CBLN2: variants seen among roughly 807,000 people sequenced by gnomAD.
The protein encoded by CBLN2 is cerebellin-2.
Under a neutral mutation model 15.0 loss-of-function variants are expected in CBLN2, and 7 were observed. The ratio of observed to expected loss-of-function variants is 0.47; its 90% CI spans 0.27 to 0.88. The LOEUF is 0.88. Among genes scored for constraint, CBLN2 ranks in the 40% least tolerant of loss-of-function variants. The pLI, the probability that CBLN2 is intolerant of heterozygous loss-of-function variation, is 0.14. For missense variants in CBLN2, 242 were observed against 304.5 expected (o/e 0.79, Z 1.53); for synonymous variants, 149 against 135.2 (o/e 1.10, Z -0.71).
chr18:72,617,774 T>C (rs1394096490), intron 1 of CBLN2, among the ~76,000 whole-genome samples: 1 of 152,154 alleles, frequency 6.6e-6, no homozygotes. Context: ...GAAGTCAATG[T>C]TGTGAAAACA....
chr18:72,596,124 G>A (rs1160705921), intron 1 of CBLN2, among the ~76,000 whole-genome samples: 1 of 151,606 alleles, frequency 6.6e-6, no homozygotes, highest in African/African-American at 2.4e-5. Context: ...TTTCCTTCCA[G>A]TCTTCCTTTT....
rs2069136448 is a variant in CBLN2, at chr18:72,543,748, G to C, written c.-211-218C>G. On this transcript the variant is annotated intron_variant, in intron 1 of 4. Transcript: ENST00000269503. The surrounding 1 kb of genome is among the most constrained non-coding windows in gnomAD (Gnocchi z 6.8). The stretch of plus-strand genomic sequence containing the variant: ...CTCGCCCGGCTCAGCGCCCCGCGCT[G>C]TGCGCCCAGGTGCCTCCAACCCCTG... 6.6e-6 allele frequency among the ~76,000 whole-genome samples: 1 copy of C among 151,814 alleles called. No homozygotes were observed. Among genetic ancestry groups the C allele is most frequent in the Admixed American group, 6.6e-5 (1 of 15,230 alleles).
At chr18:72,551,919 T>C (rs572062215) in intron 1 of CBLN2, among the ~76,000 whole-genome samples, 1 of 152,312 alleles carries the variant, frequency 6.6e-6, no homozygotes, top group East Asian at 1.9e-4. Flanking sequence ...GATTTTGAGA[T>C]TGTACATTTG....
At chr18:72,623,544 G>T (rs944642511) in intron 1 of CBLN2, among the ~76,000 whole-genome samples, 3 of 152,158 alleles carry the variant, frequency 2.0e-5, no homozygotes, top group African/African-American at 7.2e-5. Context: ...TGGCCTGGAA[G>T]CTGTCTCTGG....
chr18:72,631,345 T>G (rs1355132727), intron 1 of CBLN2, among the ~76,000 whole-genome samples: 3 of 152,138 alleles, frequency 2.0e-5, no homozygotes, highest in African/African-American at 4.8e-5. Context: ...TGGTCCCAAT[T>G]TGACTTTCTT....
chr18:72,542,083 GC>G lies in CBLN2; in HGVS notation c.77del (p.Gly26AlafsTer57). The G allele has an allele frequency of 6.5e-7, 1 of 1,531,210 alleles. No homozygotes were observed. The highest frequency in any genetic ancestry group is 1.4e-5 in the African/African-American group (1 of 69,830). The allele number at this position is 1,531,210 out of a possible 1,614,324, so 94.9% of individuals were successfully genotyped here. On this transcript the variant is annotated frameshift_variant, in exon 3 of 5. Coordinates refer to ENST00000269503, the MANE Select transcript of CBLN2 (RefSeq NM_182511.4). LOFTEE classifies it high-confidence loss of function. ...PGRRGALREP[G>X]GCGSCLGVAL... Reference sequence around the variant, plus strand: ...CCACCCCCAGGCAGGATCCGCAGCCGCCCGGCTCGCGCAGCGCCCCCCGGCG... The same window carrying G: ...CCACCCCCAGGCAGGATCCGCAGCCGCCGGCTCGCGCAGCGCCCCCCGGCG...
chr18:72,539,567 A>C (rs1188393863), intron 3 of CBLN2: 1 of 152,308 alleles, frequency 6.6e-6, no homozygotes, highest in Non-Finnish European at 1.5e-5. Context: ...GCTAATGGGA[A>C]CTCTACAACA....
chr18:72,610,202 C>T (rs971660447), intron 1 of CBLN2, among the ~76,000 whole-genome samples: 5 of 152,048 alleles, frequency 3.3e-5, no homozygotes, highest in Admixed American at 1.3e-4. Context: ...TGAGCCTCAG[C>T]GCACTCCTCT....
chr18:72,631,988 G>T (rs118034453), intron 1 of CBLN2, among the ~76,000 whole-genome samples: 2,206 of 151,830 alleles, frequency 0.015, 43 homozygotes, highest in South Asian at 0.096. Flanking sequence ...TCCACTTTAG[G>T]CTATTTTCTT....
chr18:72,631,909 A>T (rs1461173976), intron 1 of CBLN2, among the ~76,000 whole-genome samples: 2 of 152,156 alleles, frequency 1.3e-5, no homozygotes, highest in African/African-American at 4.8e-5. Context: ...CAGGAAATTT[A>T]ATATCATCAT....
rs1004475481 is a variant in CBLN2 at position 72,542,177 on chromosome 18, C to A, written c.-17G>T. 2.5e-6 allele frequency: 3 copies of A among 1,215,310 alleles called. No homozygotes were observed. Among genetic ancestry groups the A allele is most frequent in the African/African-American group, 1.6e-5 (1 of 63,174 alleles). The allele number at this position is 1,215,310 out of a possible 1,614,324, so 75.3% of individuals were successfully genotyped here. On this transcript the variant is annotated 5_prime_UTR_variant, in exon 3 of 5. Transcript: ENST00000269503. ...CGCCTGCATCGGGACTGGTGGGAGG[C>A]GGCGCGCGGGGGTGGAGGCCGGCGC...
At chr18:72,547,142 ACACAC>A (rs1357249058), upstream of CBLN2, among the ~76,000 whole-genome samples, 5 of 140,382 alleles carry the variant, frequency 3.6e-5, no homozygotes, top group Non-Finnish European at 7.8e-5. Flanking sequence ...ACACACACAC[ACACAC>A]AATTGGAATA....
chr18:72,541,711 T>C, intron 3 of CBLN2, 93 bp downstream of exon 3: 1 of 994,524 alleles, frequency 1.0e-6, no homozygotes, highest in Non-Finnish European at 1.4e-6. Flanking sequence ...GCCTGGGAAC[T>C]CCACGTCCAA....
At position 72,597,911 on chromosome 18, in the gene CBLN2, C is replaced by T. The variant is rs202117613; in HGVS notation, c.15+40414G>A. Among the ~76,000 whole-genome samples the T allele has an allele frequency of 2.6e-5, 4 of 152,182 alleles. No homozygotes were observed. The East Asian group carries it at 7.7e-4, about 29-fold the overall frequency. ...TTTAGTCATCTTGCAATGCATGCCGCCAGGCCTGAGTCTCTTCCTTTACAG... is the reference window on the plus strand; with the variant it reads ...TTTAGTCATCTTGCAATGCATGCCGTCAGGCCTGAGTCTCTTCCTTTACAG... On this transcript the variant is annotated intron_variant, in intron 1 of 2. Transcript: ENST00000581073.
At chr18:72,597,458 C>T (rs1035920825) in intron 1 of CBLN2, among the ~76,000 whole-genome samples, 4 of 152,324 alleles carry the variant, frequency 2.6e-5, no homozygotes, top group South Asian at 4.1e-4. Flanking sequence ...AACCCTATGG[C>T]CACTATCACA....
chr18:72,543,191 C>T lies in CBLN2; in HGVS notation c.-167+295G>A, dbSNP rs1202929595. The stretch of plus-strand genomic sequence containing the variant: ...TTACGCGCCCGTCTGCACTTTTGCC[C>T]CGTCCCCGCTCCTCCCAGGAAAGCA... On this transcript the variant is annotated intron_variant, in intron 2 of 4. Transcript: ENST00000269503. This position sits in a 1 kb window ranked among gnomAD's most constrained non-coding sequence, Gnocchi z 6.8. 1.0e-5 allele frequency: 3 copies of T among 291,120 alleles called. No homozygotes were observed. Among genetic ancestry groups the T allele is most frequent in the South Asian group, 3.3e-4 (2 of 6,084 alleles). 18.0% of individuals were successfully genotyped at this position (291,120 alleles called of 1,614,324 possible).
chr18:72,591,985 A>C (rs2069482811), intron 1 of CBLN2, among the ~76,000 whole-genome samples: 1 of 152,150 alleles, frequency 6.6e-6, no homozygotes, highest in Non-Finnish European at 1.5e-5. Context: ...TCTTCAACAT[A>C]CTAATTCTCT....
chr18:72,623,348 T>C (rs762484715), intron 1 of CBLN2, among the ~76,000 whole-genome samples: 13 of 152,156 alleles, frequency 8.5e-5, no homozygotes, highest in Non-Finnish European at 1.9e-4. Context: ...TAACTGCAAA[T>C]TGGGCCGGAA....
intron 1 of CBLN2, among the ~76,000 whole-genome samples, chr18:72,578,789 G>C (rs758249250): frequency 6.6e-5 from 10 of 152,156 alleles, no homozygotes; most frequent in African/African-American, 1.4e-4. Context: ...ATGCAATAAT[G>C]ATGAAGGTTT....
Sources: allele counts gnomAD v4.1 joint callset (sites outside exome capture counted in the v4.1 genomes callset), GRCh38; gene constraint gnomAD v4.1.1; non-coding constraint Gnocchi (gnomAD v3.1); transcripts MANE v1.5; gene names NCBI Gene and HGNC (gene_info 2026-07-23, HGNC 2026-07-21).